SORL1: variants seen among roughly 807,000 people sequenced by gnomAD.
The protein encoded by SORL1 is sortilin-related receptor.
Under a neutral mutation model 273.7 loss-of-function variants are expected in SORL1, and 127 were observed. The ratio of observed to expected loss-of-function variants is 0.46; its 90% confidence interval spans 0.40 to 0.54. The LOEUF is 0.54. Among genes scored for constraint, SORL1 ranks in the 20% least tolerant of loss-of-function variants. The pLI, the probability that SORL1 is intolerant of heterozygous loss-of-function variation, is 0.00. For missense variants in SORL1, 2,494 were observed against 2,846.1 expected, an observed-to-expected ratio of 0.88 and a Z score of 2.81; for synonymous variants, 1,031 against 1,067.4, an observed-to-expected ratio of 0.97 and a Z score of 0.66.
At chr11:121,577,062 G>A in intron 24 of SORL1, 2 of 1,151,338 alleles carry the variant, frequency 1.7e-6, no homozygotes, top group South Asian at 1.3e-5. Flanking sequence ...AGGGTCTGAG[G>A]GTCTCAGAAT....
At position 121,466,713 on chromosome 11, in the gene SORL1, TG is replaced by T. The variant is rs371156455; in HGVS notation, c.286-3288del. On this transcript the variant is annotated intron_variant, in intron 1 of 47. Transcript: ENST00000260197. ...CTGATTCCTGCAACTAGGTCTGCTG[TG>T]GGGGGATGGGCACCCGGGCTGCCTT... Among the ~76,000 whole-genome samples, 100 of 152,162 alleles carry T rather than the reference TG, an allele frequency of 6.6e-4. 3 individuals carry two copies. In the South Asian group the frequency reaches 0.021, roughly 31 times the overall value.
chr11:121,478,058 A>AC, intron 2 of SORL1, 60 bp from the exon 3 acceptor site: 1 of 1,282,950 alleles, frequency 7.8e-7, no homozygotes, highest in African/African-American at 1.5e-5. Context: ...AAAAAGAAAG[A>AC]TCTTTCTGCC....
chr11:121,528,735 G>T (rs533111399), intron 11 of SORL1, among the ~76,000 whole-genome samples: 1 of 152,150 alleles, frequency 6.6e-6, no homozygotes, highest in Non-Finnish European at 1.5e-5. Context: ...AAGACACTTT[G>T]TATGATTTCA....
intron 42 of SORL1, among the ~76,000 whole-genome samples, chr11:121,619,284 A>C (rs1220198302): frequency 6.6e-6 from 1 of 152,220 alleles, no homozygotes; most frequent in Non-Finnish European, 1.5e-5. Context: ...ATGTCTATGA[A>C]GAGAGGACTG....
At position 121,633,250 on chromosome 11, in the gene SORL1, C is replaced by T. The variant is rs1863898764; in HGVS notation, c.*3687C>T. 6.6e-6 allele frequency: 1 copy of T among 152,166 alleles called. No homozygotes were observed. Among genetic ancestry groups the T allele is most frequent in the East Asian group, 1.9e-4 (1 of 5,196 alleles). The allele number at this position is 152,166 out of a possible 1,614,324, so 9.4% of individuals were successfully genotyped here. ...TGGGTTGTATGTATGTTTCTGCCCA[C>T]TAATTTTGAGCAGCCATATTATGAA... On this transcript the variant is annotated 3_prime_UTR_variant, in exon 48 of 48. Coordinates refer to ENST00000260197, the MANE Select transcript of SORL1 (RefSeq NM_003105.6).
In SORL1 at chr11:121,619,874, T is replaced by C. The variant is rs1863697275; in HGVS notation, c.5846T>C (p.Val1949Ala). The stretch of plus-strand genomic sequence containing the variant: ...GTTCATACGGGCAAAACCTCCGTGG[T>C]CATCAAGTGGGAATCACCGTATGAC... ...HVVHTGKTSV[V>A]IKWESPYDSP... The change falls in exon 43 of 48, where the codon GTC becomes GCC. Residue 1949 changes from valine to alanine, a missense_variant. Val to Ala is a moderately conservative substitution (Grantham distance 64). Around this residue, in one of 3 missense-constraint regions of SORL1, gnomAD observed 1,609 missense variants for 1,816.4 expected, o/e 0.89. Coordinates refer to ENST00000260197, the MANE Select transcript of SORL1 (RefSeq NM_003105.6). 6.2e-7 allele frequency: 1 copy of C among 1,614,074 alleles called. No individual in the cohort carries two copies. The highest frequency in any genetic ancestry group is 8.5e-7 in the Non-Finnish European group (1 of 1,179,986).
intron 12 of SORL1, among the ~76,000 whole-genome samples, chr11:121,537,449 G>C (rs911249565): frequency 1.3e-5 from 2 of 152,084 alleles, no homozygotes; most frequent in African/African-American, 4.8e-5. Context: ...GATGGGAGAA[G>C]TGATTATACC....
chr11:121,612,751 G>A lies in SORL1; in HGVS notation c.5338G>A (p.Val1780Met), dbSNP rs768392210. 1.2e-6 allele frequency: 2 copies of A among 1,613,924 alleles called. No individual in the cohort carries two copies. Among genetic ancestry groups the A allele is most frequent in the Non-Finnish European group, 1.7e-6 (2 of 1,179,934 alleles). The change falls in exon 40 of 48, where the codon GTG (valine) becomes ATG (methionine). Residue 1780 changes from valine (V) to methionine (M), a missense_variant. By Grantham distance (21) the Val-to-Met change is conservative. Transcript: ENST00000260197. ...ESDIKVNGYVVNLFWAFDTHK... is the reference protein window; with the variant it reads ...ESDIKVNGYVMNLFWAFDTHK... ...TTCTCGGCAGGTGAATGGCTATGTGGTGAACCTTTTCTGGGCATTTGACAC... is the reference window on the plus strand; with the variant it reads ...TTCTCGGCAGGTGAATGGCTATGTGATGAACCTTTTCTGGGCATTTGACAC...
chr11:121,629,537 G>A lies in SORL1; in HGVS notation c.6619G>A (p.Asp2207Asn), dbSNP rs1591360776. 1.3e-6 allele frequency: 2 copies of A among 1,580,814 alleles called. No individual in the cohort carries two copies. Among genetic ancestry groups the A allele is most frequent in the East Asian group, 2.2e-5 (1 of 44,726 alleles). The change falls in exon 48 of 48, where the codon GAT becomes AAT. Residue 2207 changes from aspartate (D) to asparagine (N), a missense_variant. Coordinates refer to ENST00000260197, the MANE Select transcript of SORL1 (RefSeq NM_003105.6). Reference sequence around the variant, plus strand: ...TGCCCCTATGATAACTGGATTTTCAGATGACGTCCCCATGGTGATAGCCTG... The same window carrying A: ...TGCCCCTATGATAACTGGATTTTCAAATGACGTCCCCATGGTGATAGCCTG... The part of the protein sequence containing the change: ...EDAPMITGFS[D>N]DVPMVIA
intron 12 of SORL1, among the ~76,000 whole-genome samples, 176 bp downstream of exon 12, chr11:121,532,728 C>G (rs1193986370): frequency 6.6e-6 from 1 of 151,702 alleles, no homozygotes; most frequent in Non-Finnish European, 1.5e-5. Context: ...CTCTCTCCCC[C>G]AGGCAGGAAT....
At chr11:121,564,130 A>G (rs1049453114) in intron 21 of SORL1, among the ~76,000 whole-genome samples, 4 of 152,194 alleles carry the variant, frequency 2.6e-5, no homozygotes, top group Admixed American at 2.0e-4. Context: ...AACGGTTTTC[A>G]TATTGCCTGG....
rs375443838 is a variant in SORL1, at chr11:121,471,520, G to A, written c.402+1397G>A. Among the ~76,000 whole-genome samples, 4 of 152,236 alleles carry A rather than the reference G, an allele frequency of 2.6e-5. No individual in the cohort carries two copies. The East Asian group carries it at 7.7e-4, about 29-fold the overall frequency. ...CTGGGGTCTGACACTGTGGCAGCGC[G>A]AGGCTGCAGACGGAACACCATGCTT... On this transcript the variant is annotated intron_variant, in intron 2 of 47. Coordinates refer to ENST00000260197, the MANE Select transcript of SORL1 (RefSeq NM_003105.6).
chr11:121,506,833 G>T (rs1411481523), intron 6 of SORL1, among the ~76,000 whole-genome samples: 1 of 151,860 alleles, frequency 6.6e-6, no homozygotes, highest in East Asian at 1.9e-4. Flanking sequence ...CTGCTATTTT[G>T]CTCTTTGCTT....
intron 1 of SORL1, among the ~76,000 whole-genome samples, chr11:121,461,107 A>T (rs1369959514): frequency 6.6e-6 from 1 of 151,882 alleles, no homozygotes; most frequent in African/African-American, 2.4e-5. Context: ...TAATTGAGTA[A>T]CCTGAGACTC....
intron 6 of SORL1, among the ~76,000 whole-genome samples, chr11:121,498,427 G>A (rs1861661933): frequency 6.6e-6 from 1 of 152,160 alleles, no homozygotes. Flanking sequence ...CCTTGGGCCT[G>A]GAGTTATTGT....
At chr11:121,532,370 T>C in intron 11 of SORL1, 94 bp from the exon 12 acceptor site, 2 of 1,044,968 alleles carry the variant, frequency 1.9e-6, no homozygotes. Context: ...GTTATGTCTA[T>C]GTGCACGTGT....
intron 6 of SORL1, among the ~76,000 whole-genome samples, chr11:121,501,680 A>G (rs2134829320): frequency 6.6e-6 from 1 of 152,220 alleles, no homozygotes; most frequent in Admixed American, 6.5e-5. Flanking sequence ...AAACCATCAG[A>G]TTTTGTGAGA....
chr11:121,572,262 G>C (rs971736850), intron 23 of SORL1, among the ~76,000 whole-genome samples: 1 of 152,238 alleles, frequency 6.6e-6, no homozygotes, highest in East Asian at 1.9e-4. Context: ...TCTTTTGGGA[G>C]GCACCTGCTG....
At chr11:121,514,051 A>G (rs2134846222) in intron 7 of SORL1, 101 bp from the exon 8 acceptor site, 6 of 1,323,096 alleles carry the variant, frequency 4.5e-6, no homozygotes, top group Admixed American at 2.3e-5. Context: ...GCCAACATTC[A>G]TCGCTAGAAC....
Sources: allele counts gnomAD v4.1 joint callset (sites outside exome capture counted in the v4.1 genomes callset), GRCh38; gene constraint gnomAD v4.1.1; regional missense constraint gnomAD v4.1.1; transcripts MANE v1.5; gene names NCBI Gene and HGNC (gene_info 2026-07-23, HGNC 2026-07-21).